PHLPP2: variants seen among roughly 807,000 people sequenced by gnomAD.
The protein encoded by PHLPP2 is PH domain and leucine rich repeat protein phosphatase 2, also known as PH domain leucine-rich repeat-containing protein phosphatase 2.
In PHLPP2, 66 loss-of-function variants were observed where a neutral mutation model predicts 124.9. The ratio of observed to expected loss-of-function variants is 0.53; its 90% CI spans 0.43 to 0.65. PHLPP2 has a LOEUF of 0.65. PHLPP2 is among the 30% of genes least tolerant of loss of function. PHLPP2 has a pLI of 0.00. For synonymous variants in PHLPP2, 681 were observed against 624.7 expected, an observed-to-expected ratio of 1.09 and a Z score of -1.34; for missense variants, 1,685 against 1,600.4, an observed-to-expected ratio of 1.05 and a Z score of -0.90.
chr16:71,680,632 TG>T (rs1280527831), intron 6 of PHLPP2, among the ~76,000 whole-genome samples: 3 of 152,232 alleles, frequency 2.0e-5, no homozygotes, highest in Non-Finnish European at 4.4e-5. Flanking sequence ...AAGTGCAAGA[TG>T]GTAAGGCTGA....
At chr16:71,668,480 G>C (rs375111129) in intron 11 of PHLPP2, among the ~76,000 whole-genome samples, 1 of 147,962 alleles carries the variant, frequency 6.8e-6, no homozygotes, top group Non-Finnish European at 1.5e-5. Flanking sequence ...CTACATCCAA[G>C]GCCAGGTGTG....
intron 1 of PHLPP2, chr16:71,723,741 T>C (rs1437886345): frequency 1.1e-5 from 13 of 1,147,172 alleles, no homozygotes; most frequent in Admixed American, 2.8e-5. Flanking sequence ...GCCCGCTCGC[T>C]CGCTCGCTGG....
In PHLPP2 at chr16:71,679,004, A is replaced by G; in HGVS notation, c.1038-19T>C. 1 of 1,344,512 alleles carries G rather than the reference A, an allele frequency of 7.4e-7. No homozygotes were observed. 83.3% of individuals were successfully genotyped at this position (1,344,512 alleles called of 1,614,324 possible). ...TTGAAGACTATAGGAAGAAAACAAA[A>G]CAAGTCTACTTTATGAAAGGTTTCA... On this transcript the variant is annotated intron_variant, in intron 7 of 18. Transcript: ENST00000568954.
intron 1 of PHLPP2, among the ~76,000 whole-genome samples, chr16:71,720,430 TTTAACTC>T (rs1457345740): frequency 6.6e-6 from 1 of 152,150 alleles, no homozygotes; most frequent in Non-Finnish European, 1.5e-5. Context: ...GTTTTATACT[TTTAACTC>T]TAAAAGTGTT....
intron 8 of PHLPP2, 68 bp from the exon 9 acceptor site, chr16:71,676,717 A>C: frequency 8.3e-7 from 1 of 1,205,206 alleles, no homozygotes; most frequent in South Asian, 1.2e-5. Context: ...CAGAATAAAA[A>C]TAAAAAATAG....
chr16:71,658,521 G>T, intron 14 of PHLPP2, 132 bp downstream of exon 14: 1 of 1,202,094 alleles, frequency 8.3e-7, no homozygotes, highest in Non-Finnish European at 1.2e-6. Context: ...CACATAAGAA[G>T]ACAATAATAT....
chr16:71,669,502 G>A, intron 10 of PHLPP2, 132 bp from the exon 11 acceptor site: 1 of 627,826 alleles, frequency 1.6e-6, no homozygotes, highest in Non-Finnish European at 2.8e-6. Context: ...GGCATCCCTT[G>A]GAACACTGCC....
In PHLPP2 at chr16:71,679,487, C is replaced by T. The variant is rs565721151; in HGVS notation, c.939G>A (p.Leu313=). Residue 313 remains leucine, a synonymous_variant, in exon 7 of 19, where the codon TTG becomes TTA. Transcript: ENST00000568954. ...AGATCTCGCATAACAATATAGGAAA[C>T]AACCCAAGTTTATTATGGGACAAGT... is the stretch of plus-strand genomic sequence containing the variant. ...GLNLSHNKLG[L]FPILLCEIST... 1.2e-6 allele frequency: 2 copies of T among 1,613,780 alleles called. No individual in the cohort carries two copies. Among genetic ancestry groups the T allele is most frequent in the Admixed American group, 3.3e-5 (2 of 60,006 alleles).
chr16:71,681,705 T>A lies in PHLPP2; in HGVS notation c.890+46A>T, dbSNP rs147165613. On this transcript the variant is annotated intron_variant, in intron 6 of 18. Coordinates refer to ENST00000568954, the MANE Select transcript of PHLPP2 (RefSeq NM_015020.3). ...GGTAGAAGCCATAAGATACTGATTA[T>A]GAGTTGGTTTTAACAGGTTAGTCTG... is the stretch of plus-strand genomic sequence containing the variant. The A allele has an allele frequency of 1.6e-4, 242 of 1,478,272 alleles. 3 individuals carry two copies. In the East Asian group the frequency reaches 5.4e-3, roughly 33 times the overall value. 91.6% of individuals were successfully genotyped at this position (1,478,272 alleles called of 1,614,324 possible).
At chr16:71,697,646 G>A (rs909927382) in intron 3 of PHLPP2, among the ~76,000 whole-genome samples, 2 of 152,138 alleles carry the variant, frequency 1.3e-5, no homozygotes, top group Non-Finnish European at 2.9e-5. Flanking sequence ...TGACAAAGCT[G>A]TTTTAAACAA....
At chr16:71,661,189 C>T (rs1168061903) in intron 13 of PHLPP2, among the ~76,000 whole-genome samples, 1 of 151,598 alleles carries the variant, frequency 6.6e-6, no homozygotes, top group African/African-American at 2.4e-5. Context: ...GCCTTGGCCT[C>T]CTGAGTAGCT....
At chr16:71,691,583 T>C (rs1034724986) in intron 3 of PHLPP2, among the ~76,000 whole-genome samples, 15 of 152,264 alleles carry the variant, frequency 9.9e-5, no homozygotes, top group African/African-American at 3.4e-4. Flanking sequence ...CCACTATTGT[T>C]ACTAATCTAC....
At chr16:71,724,195 A>G (rs1426535429) in intron 1 of PHLPP2, 134 bp downstream of exon 1, 2 of 152,236 alleles carry the variant, frequency 1.3e-5, no homozygotes, top group East Asian at 3.9e-4. Flanking sequence ...CCCGCCCTCT[A>G]AGAAACCCGC....
intron 11 of PHLPP2, among the ~76,000 whole-genome samples, chr16:71,667,859 G>A (rs1032691670): frequency 7.2e-5 from 11 of 152,152 alleles, no homozygotes; most frequent in Non-Finnish European, 1.3e-4. Context: ...TCCAAAGATT[G>A]TGTTCATATT....
At chr16:71,686,254 C>T (rs1195258945) in intron 4 of PHLPP2, among the ~76,000 whole-genome samples, 1 of 152,214 alleles carries the variant, frequency 6.6e-6, no homozygotes, top group Non-Finnish European at 1.5e-5. Flanking sequence ...CTCAATGCAG[C>T]CTCAACCTTA....
At chr16:71,691,852 T>C (rs2045116834) in intron 3 of PHLPP2, among the ~76,000 whole-genome samples, 1 of 152,040 alleles carries the variant, frequency 6.6e-6, no homozygotes, top group Non-Finnish European at 1.5e-5. Flanking sequence ...TCCCAGGTAC[T>C]CAGGAGGCTG....
chr16:71,690,461 T>G (rs1411696895), intron 4 of PHLPP2, 58 bp downstream of exon 4: 6 of 1,138,936 alleles, frequency 5.3e-6, no homozygotes, highest in Non-Finnish European at 7.7e-6. Flanking sequence ...AAGCATTATG[T>G]GATATTTTCT....
Position 71,648,240 on chromosome 16 carries a change from C to T in PHLPP2, c.*650G>A, listed in dbSNP as rs2044667001. The T allele has an allele frequency of 6.5e-6, 1 of 153,642 alleles. No homozygotes were observed. The highest frequency in any genetic ancestry group is 1.5e-5 in the Non-Finnish European group (1 of 68,236). 9.5% of individuals were successfully genotyped at this position (153,642 alleles called of 1,614,324 possible). ...ACTTTTTTCCTCCACAGAAATAGTC[C>T]CTTTCCTGCCCAGGCAGGCAAATTC... On this transcript the variant is annotated 3_prime_UTR_variant, in exon 19 of 19. Coordinates refer to ENST00000568954, the MANE Select transcript of PHLPP2 (RefSeq NM_015020.3).
chr16:71,691,689 A>C (rs2045115218), intron 3 of PHLPP2, among the ~76,000 whole-genome samples: 1 of 152,092 alleles, frequency 6.6e-6, no homozygotes, highest in Non-Finnish European at 1.5e-5. Flanking sequence ...TATGGGTGGT[A>C]CTTCAATCAA....
Sources: gnomAD v4.1 joint callset for allele counts (sites outside exome capture counted in the v4.1 genomes callset) on GRCh38, gnomAD v4.1.1 for gene constraint, MANE v1.5 for transcripts, NCBI Gene and HGNC (gene_info 2026-07-23, HGNC 2026-07-21) for gene names.